Variants in TEX48 observed in about 807,000 individuals in gnomAD.
TEX48 encodes testis-expressed protein 48.
TEX48 carries 10 observed loss-of-function variants against 13.2 expected under a neutral mutation model. The observed-to-expected ratio is 0.75, with a 90% CI of 0.47 to 1.28. The LOEUF is 1.28. Among genes scored for constraint, TEX48 ranks in the 50% most tolerant of loss-of-function variants. The pLI, the probability that TEX48 is intolerant of heterozygous loss-of-function variation, is 0.00. For missense variants in TEX48, 116 were observed against 139.4 expected (o/e 0.83, Z 0.84); for synonymous variants, 45 against 52.3 (o/e 0.86, Z 0.60).
chr9:114,675,871 A>T (rs1358768377), intron 1 of TEX48, among the ~76,000 whole-genome samples: 1 of 152,172 alleles, frequency 6.6e-6, no homozygotes, highest in African/African-American at 2.4e-5. Context: ...CCCTGTTCAC[A>T]TCCTGTTCCC....
At position 114,666,750 on chromosome 9, in the gene TEX48, A is replaced by G; in HGVS notation, c.260-4T>C. ...TGGGAAGCATATGCATTCAGATCTG[A>G]AAGAAGAAAGGAAAAAATTATGCTG... is the stretch of plus-strand genomic sequence containing the variant. On this transcript the variant is annotated splice_polypyrimidine_tract_variant and splice_region_variant and intron_variant, in intron 4 of 4. Transcript: ENST00000436752. 2 of 1,474,592 alleles carry G rather than the reference A, an allele frequency of 1.4e-6. No individual in the cohort carries two copies. Among genetic ancestry groups the G allele is most frequent in the Non-Finnish European group, 1.8e-6 (2 of 1,093,168 alleles). The allele number at this position is 1,474,592 out of a possible 1,614,324, so 91.3% of individuals were successfully genotyped here.
At chr9:114,677,881 T>G (rs1214651219) in intron 1 of TEX48, among the ~76,000 whole-genome samples, 2 of 152,086 alleles carry the variant, frequency 1.3e-5, no homozygotes, top group Non-Finnish European at 2.9e-5. Context: ...AAACTGTTTA[T>G]CAATTGTAGC....
chr9:114,679,769 G>A (rs1828151548), intron 1 of TEX48, among the ~76,000 whole-genome samples: 1 of 152,178 alleles, frequency 6.6e-6, no homozygotes, highest in African/African-American at 2.4e-5. Flanking sequence ...GACTTCTGAG[G>A]ATTCTGAGTT....
intron 2 of TEX48, 24 bp from the exon 3 acceptor site, chr9:114,671,529 G>A (rs1827946566): frequency 1.4e-6 from 2 of 1,479,318 alleles, no homozygotes; most frequent in Non-Finnish European, 1.8e-6. Context: ...AGGAATGAGG[G>A]GCATGGGTTC....
At chr9:114,672,078 C>A (rs6478099) in intron 1 of TEX48, among the ~76,000 whole-genome samples, 90,153 of 151,992 alleles carry the variant, frequency 0.59, 26,874 homozygotes, top group Admixed American at 0.68. Context: ...GGAGTAAAGA[C>A]TCATATATAT....
chr9:114,671,871 C>G, intron 1 of TEX48, 44 bp from the exon 2 acceptor site: 1 of 815,430 alleles, frequency 1.2e-6, no homozygotes, highest in Non-Finnish European at 2.0e-6. Flanking sequence ...TAGTCCTTCA[C>G]CTGTGTTCAC....
chr9:114,677,128 A>G (rs2133766114), intron 1 of TEX48, among the ~76,000 whole-genome samples: 1 of 152,294 alleles, frequency 6.6e-6, no homozygotes, highest in South Asian at 2.1e-4. Flanking sequence ...CTAGACACAT[A>G]CAGATGTCAC....
At chr9:114,669,174 T>C (rs1382893627) in intron 3 of TEX48, among the ~76,000 whole-genome samples, 2 of 152,216 alleles carry the variant, frequency 1.3e-5, no homozygotes, top group Non-Finnish European at 2.9e-5. Flanking sequence ...CATTATGGCA[T>C]AAATATTTTT....
chr9:114,671,446 G>A lies in TEX48; in HGVS notation c.64C>T (p.Pro22Ser), dbSNP rs1175665385. 2.6e-6 allele frequency: 4 copies of A among 1,535,508 alleles called. No homozygotes were observed. Among genetic ancestry groups the A allele is most frequent in the Non-Finnish European group, 3.5e-6 (4 of 1,146,832 alleles). The change falls in exon 3 of 5, where the codon CCC becomes TCC. Residue 22 changes from proline to serine, a missense_variant. Pro to Ser is a moderately conservative substitution (Grantham distance 74). Coordinates refer to ENST00000436752, the MANE Select transcript of TEX48 (RefSeq NM_001199233.2). ...FCLCCRDCQE[P>S]YAINDSKVPS... ...ACCTTGGAGTCATTGATGGCATAGG[G>A]CTCCTGACAGTCCCTGCAGCATAAA... is the stretch of plus-strand genomic sequence containing the variant.
chr9:114,671,244 T>A (rs372330240), intron 3 of TEX48, 139 bp downstream of exon 3: 1 of 1,027,072 alleles, frequency 9.7e-7, no homozygotes, highest in Non-Finnish European at 1.4e-6. Flanking sequence ...TACTTAGCCA[T>A]CCAACACCCA....
intron 1 of TEX48, among the ~76,000 whole-genome samples, chr9:114,677,466 T>G (rs974872947): frequency 6.6e-6 from 1 of 152,260 alleles, no homozygotes; most frequent in African/African-American, 2.4e-5. Flanking sequence ...CTGCTTCGTA[T>G]TCTGCTACTT....
At chr9:114,680,588 T>C (rs934348852) in intron 1 of TEX48, among the ~76,000 whole-genome samples, 56 of 152,162 alleles carry the variant, frequency 3.7e-4, no homozygotes, top group African/African-American at 1.3e-3. Context: ...TCTCTGTACA[T>C]GGAAAAATGG....
At position 114,671,702 on chromosome 9, in the gene TEX48, T is replaced by C. The variant is rs955335830; in HGVS notation, c.4+18A>G. ...CTGCCTAGGCCATTTTTTCCTATTC[T>C]GTACAAAGTTTTCTTACCCATGGAA... On this transcript the variant is annotated intron_variant, in intron 2 of 4. Coordinates refer to ENST00000436752, the MANE Select transcript of TEX48 (RefSeq NM_001199233.2). 1.6e-5 allele frequency: 25 copies of C among 1,535,616 alleles called. No homozygotes were observed. Among genetic ancestry groups the C allele is most frequent in the Middle Eastern group, 1.7e-4 (1 of 6,012 alleles).
At chr9:114,677,763 C>CTTT (rs201283065) in intron 1 of TEX48, among the ~76,000 whole-genome samples, 10 of 146,710 alleles carry the variant, frequency 6.8e-5, no homozygotes, top group East Asian at 3.9e-4. Flanking sequence ...AAGAAGGTCA[C>CTTT]TTTTTTTTTT....
chr9:114,666,592 C>A lies in TEX48; in HGVS notation c.*51G>T. The stretch of plus-strand genomic sequence containing the variant: ...GTCTTCATGACTCCTGTCCACCGCC[C>A]TCTTCCTCATGGAGATGCCCCAGCA... On this transcript the variant is annotated 3_prime_UTR_variant, in exon 5 of 5. Coordinates refer to ENST00000436752, the MANE Select transcript of TEX48 (RefSeq NM_001199233.2). 1 of 1,078,640 alleles carries A rather than the reference C, an allele frequency of 9.3e-7. No individual in the cohort carries two copies. The highest frequency in any genetic ancestry group is 2.5e-5 in the Admixed American group (1 of 39,700). 66.8% of individuals were successfully genotyped at this position (1,078,640 alleles called of 1,614,324 possible). A position where few individuals can be genotyped will look rare whatever the true frequency, so the allele number is the denominator to read the frequency against.
intron 1 of TEX48, among the ~76,000 whole-genome samples, chr9:114,676,864 T>TGC (rs2133765851): frequency 6.6e-6 from 1 of 151,998 alleles, no homozygotes; most frequent in African/African-American, 2.4e-5. Flanking sequence ...GATCTGCCCA[T>TGC]CTCGGCCTCC....
At chr9:114,673,809 CTTT>C (rs34331435) in intron 1 of TEX48, among the ~76,000 whole-genome samples, 3 of 143,436 alleles carry the variant, frequency 2.1e-5, no homozygotes, top group Admixed American at 7.0e-5. Context: ...TAAATGCAAA[CTTT>C]TTTTTTTTTT....
rs1564316170 is a variant in TEX48, at chr9:114,671,483, C to T, written c.27G>A (p.Leu9=). ...CCCTGCAGCATAAACAGAAGATCTT[C>T]AAGATCAGGTTTTGGTGGGCTGCTG... The part of the protein sequence containing the change: MAAHQNLI[L]KIFCLCCRDC... The change falls in exon 3 of 5, where the codon TTG becomes TTA. Residue 9 remains leucine, a synonymous_variant. Coordinates refer to ENST00000436752, the MANE Select transcript of TEX48 (RefSeq NM_001199233.2). The T allele has an allele frequency of 2.6e-6, 4 of 1,535,194 alleles. No individual in the cohort carries two copies. Among genetic ancestry groups the T allele is most frequent in the East Asian group, 2.4e-5 (1 of 40,892 alleles).
At chr9:114,679,441 T>C (rs1262389747) in intron 1 of TEX48, among the ~76,000 whole-genome samples, 1 of 152,006 alleles carries the variant, frequency 6.6e-6, no homozygotes, top group Non-Finnish European at 1.5e-5. Flanking sequence ...AGGACAGCTG[T>C]CCATATCTGT....
Sources: allele counts gnomAD v4.1 joint callset (sites outside exome capture counted in the v4.1 genomes callset), GRCh38; gene constraint gnomAD v4.1.1; transcripts MANE v1.5; gene names NCBI Gene and HGNC (gene_info 2026-07-23, HGNC 2026-07-21).